The following KCNQ5 variants were observed in gnomAD, a reference collection of about 807,000 sequenced individuals.
KCNQ5 encodes the protein potassium voltage-gated channel subfamily Q member 5.
Under a neutral mutation model 98.2 loss-of-function variants are expected in KCNQ5, and 30 were observed. The observed-to-expected ratio is 0.31, with a 90% CI of 0.23 to 0.41. The LOEUF (loss-of-function observed/expected upper bound fraction) is 0.41. KCNQ5 is among the 10% of genes least tolerant of loss of function. The probability of loss-of-function intolerance (pLI) is 1.00; values close to 1 mark genes in which losing one functional copy is unlikely to be tolerated. For synonymous variants in KCNQ5, 458 were observed against 449.4 expected, an observed-to-expected ratio of 1.02 and a Z score of -0.24; for missense variants, 835 against 1,182.5, an observed-to-expected ratio of 0.71 and a Z score of 4.31.
chr6:72,970,857 A>G (rs927368603), intron 1 of KCNQ5, among the ~76,000 whole-genome samples: 3 of 152,240 alleles, frequency 2.0e-5, no homozygotes, highest in African/African-American at 7.2e-5. Flanking sequence ...TTCAAGATGG[A>G]TTAAAGACTT....
intron 3 of KCNQ5, chr6:73,055,804 A>C: frequency 1.2e-6 from 1 of 828,320 alleles, no homozygotes; most frequent in East Asian, 2.9e-5. Flanking sequence ...GGATGAAGAG[A>C]CCATGTGCAA....
intron 9 of KCNQ5, chr6:73,125,390 A>T: frequency 1.9e-6 from 1 of 517,818 alleles, no homozygotes; most frequent in Non-Finnish European, 3.9e-6. Context: ...AGTATTAATG[A>T]TGTGAAGAGT....
intron 5 of KCNQ5, among the ~76,000 whole-genome samples, chr6:73,093,258 A>G (rs1475307227): frequency 1.3e-5 from 2 of 151,740 alleles, no homozygotes; most frequent in East Asian, 3.9e-4. Flanking sequence ...AATATCTCCC[A>G]TTTCATTTCT....
At chr6:72,836,166 A>G (rs1337139810) in intron 1 of KCNQ5, among the ~76,000 whole-genome samples, 1 of 152,202 alleles carries the variant, frequency 6.6e-6, no homozygotes, top group Non-Finnish European at 1.5e-5. Context: ...TTTGAGTAGA[A>G]GTTAAGATTT....
intron 1 of KCNQ5, among the ~76,000 whole-genome samples, chr6:72,870,081 G>T (rs769803736): frequency 6.6e-6 from 1 of 152,088 alleles, no homozygotes. Flanking sequence ...AAGTGCTGGT[G>T]TTTTGATTAT....
chr6:72,940,785 C>T (rs1403053169), intron 1 of KCNQ5, among the ~76,000 whole-genome samples: 1 of 152,096 alleles, frequency 6.6e-6, no homozygotes, highest in African/African-American at 2.4e-5. Flanking sequence ...CTCTGTAACT[C>T]TTAGCCTTAG....
intron 1 of KCNQ5, among the ~76,000 whole-genome samples, chr6:72,831,339 T>C (rs953423975): frequency 6.6e-6 from 1 of 152,108 alleles, no homozygotes; most frequent in Non-Finnish European, 1.5e-5. Flanking sequence ...CAAATGTCCA[T>C]CAATGATAGA....
intron 1 of KCNQ5, among the ~76,000 whole-genome samples, chr6:72,950,968 C>G (rs1766775229): frequency 6.6e-6 from 1 of 152,158 alleles, no homozygotes; most frequent in Admixed American, 6.5e-5. Flanking sequence ...ACAATCTTCT[C>G]TGGCCTTTTT....
chr6:72,711,449 C>T (rs1198452917), intron 1 of KCNQ5, among the ~76,000 whole-genome samples: 1 of 152,150 alleles, frequency 6.6e-6, no homozygotes, highest in Non-Finnish European at 1.5e-5. Flanking sequence ...ATGTGAAAAG[C>T]ACTTGGTGCA....
chr6:72,690,104 C>G (rs1582119710), intron 1 of KCNQ5, among the ~76,000 whole-genome samples: 1 of 151,970 alleles, frequency 6.6e-6, no homozygotes, highest in African/African-American at 2.4e-5. Flanking sequence ...GAAACCCCGT[C>G]TCTACTAAAA....
At chr6:73,140,237 A>G (rs956738035) in intron 10 of KCNQ5, among the ~76,000 whole-genome samples, 12 of 152,124 alleles carry the variant, frequency 7.9e-5, no homozygotes, top group Admixed American at 3.3e-4. Context: ...TTCATCTTAC[A>G]CTAATCCTCT....
chr6:72,777,178 T>C (rs1407882091), intron 1 of KCNQ5, among the ~76,000 whole-genome samples: 4 of 152,092 alleles, frequency 2.6e-5, no homozygotes, highest in Non-Finnish European at 5.9e-5. Flanking sequence ...ATGTAAGAAA[T>C]AGAAAGTTAT....
chr6:72,691,934 T>C (rs1055831956), intron 1 of KCNQ5, among the ~76,000 whole-genome samples: 2 of 152,236 alleles, frequency 1.3e-5, no homozygotes, highest in African/African-American at 4.8e-5. Context: ...GGACAACTTG[T>C]AGTGTGCAGG....
intron 1 of KCNQ5, among the ~76,000 whole-genome samples, chr6:72,894,029 C>T (rs1191708714): frequency 1.3e-5 from 2 of 152,196 alleles, no homozygotes; most frequent in Admixed American, 6.5e-5. Context: ...TTGTCCTATA[C>T]ATTAAAATGA....
intron 1 of KCNQ5, among the ~76,000 whole-genome samples, chr6:72,775,893 C>T (rs1773139163): frequency 6.6e-6 from 1 of 152,134 alleles, no homozygotes; most frequent in Non-Finnish European, 1.5e-5. Context: ...GACACGAAAT[C>T]TAAATGTAGT....
chr6:73,114,431 A>G (rs1298780221), intron 7 of KCNQ5, among the ~76,000 whole-genome samples: 5 of 152,228 alleles, frequency 3.3e-5, no homozygotes, highest in Non-Finnish European at 7.3e-5. Flanking sequence ...TTTAGGAAAA[A>G]AATTTAAAAC....
chr6:73,077,906 T>TTTTTA lies in KCNQ5; in HGVS notation c.918+23_918+27dup. 6.4e-7 allele frequency: 1 copy of TTTTTA among 1,567,510 alleles called. No homozygotes were observed. Among genetic ancestry groups the TTTTTA allele is most frequent in the Non-Finnish European group, 8.6e-7 (1 of 1,160,010 alleles). On this transcript the variant is annotated intron_variant, in intron 5 of 13. Coordinates refer to ENST00000370398, the MANE Select transcript of KCNQ5 (RefSeq NM_019842.4). Reference sequence around the variant, plus strand: ...GGGCACAGTAAGTATAAAAATACATTTTTTATTTATTGGATGTTGTGAATT... The same window carrying TTTTTA: ...GGGCACAGTAAGTATAAAAATACATTTTTTATTTTATTTATTGGATGTTGTGAATT...
At chr6:73,078,255 CA>C (rs1773617087) in intron 5 of KCNQ5, among the ~76,000 whole-genome samples, 1 of 151,802 alleles carries the variant, frequency 6.6e-6, no homozygotes, top group Non-Finnish European at 1.5e-5. Context: ...TTCCGCTCTT[CA>C]AAAGTTTATC....
chr6:72,779,208 C>T (rs1433621317), intron 1 of KCNQ5, among the ~76,000 whole-genome samples: 1 of 152,088 alleles, frequency 6.6e-6, no homozygotes, highest in Admixed American at 6.5e-5. Context: ...CCCTAGAAAG[C>T]TGGTGTTGAC....
Sources: allele counts gnomAD v4.1 joint callset (sites outside exome capture counted in the v4.1 genomes callset), GRCh38; gene constraint gnomAD v4.1.1; transcripts MANE v1.5; gene names NCBI Gene and HGNC (gene_info 2026-07-23, HGNC 2026-07-21).